PPFIBP1: variants seen among roughly 807,000 people sequenced by gnomAD.
PPFIBP1 encodes liprin-beta-1.
Under a neutral mutation model 137.8 loss-of-function variants are expected in PPFIBP1, and 112 were observed. The ratio of observed to expected loss-of-function variants is 0.81; its 90% confidence interval spans 0.70 to 0.95. The LOEUF (loss-of-function observed/expected upper bound fraction) is 0.95. Among genes scored for constraint, PPFIBP1 ranks in the 40% least tolerant of loss-of-function variants. PPFIBP1 has a pLI of 0.00. For missense variants in PPFIBP1, 1,083 were observed against 1,196.6 expected, an observed-to-expected ratio of 0.91 and a Z score of 1.40; for synonymous variants, 378 against 417.3, an observed-to-expected ratio of 0.91 and a Z score of 1.15.
At chr12:27,576,469 T>C (rs1340277962) in intron 1 of PPFIBP1, among the ~76,000 whole-genome samples, 1 of 152,186 alleles carries the variant, frequency 6.6e-6, no homozygotes, top group Non-Finnish European at 1.5e-5. Flanking sequence ...GCCCTCTTAC[T>C]GTTGACTCAG....
At chr12:27,614,579 C>T (rs1317406307) in intron 2 of PPFIBP1, among the ~76,000 whole-genome samples, 2 of 152,148 alleles carry the variant, frequency 1.3e-5, no homozygotes, top group Non-Finnish European at 2.9e-5. Context: ...TACTGCCAGA[C>T]TCCTAAGCTA....
chr12:27,571,804 A>G (rs2050173510), intron 1 of PPFIBP1, among the ~76,000 whole-genome samples: 1 of 152,106 alleles, frequency 6.6e-6, no homozygotes, highest in Non-Finnish European at 1.5e-5. Flanking sequence ...GTTTGACTTC[A>G]TATTTTTTGA....
At chr12:27,630,560 G>T (rs142337626) in intron 2 of PPFIBP1, among the ~76,000 whole-genome samples, 64 of 152,194 alleles carry the variant, frequency 4.2e-4, no homozygotes, top group African/African-American at 1.4e-3. Context: ...CTAATCTGAT[G>T]ATCTCTGGCT....
intron 1 of PPFIBP1, among the ~76,000 whole-genome samples, chr12:27,561,943 G>C (rs2049202073): frequency 6.6e-6 from 1 of 151,956 alleles, no homozygotes; most frequent in Admixed American, 6.6e-5. Flanking sequence ...TCAGCTACTT[G>C]GGAGATTGAA....
intron 20 of PPFIBP1, 65 bp from the exon 21 acceptor site, chr12:27,679,868 G>T (rs1312888396): frequency 6.3e-7 from 1 of 1,582,344 alleles, no homozygotes; most frequent in African/African-American, 1.4e-5. Flanking sequence ...AGTTAAAAAT[G>T]TTCTGATTAA....
At chr12:27,674,314 A>G in intron 17 of PPFIBP1, 93 bp downstream of exon 17, 1 of 849,018 alleles carries the variant, frequency 1.2e-6, no homozygotes. Flanking sequence ...AACTTTCAGA[A>G]CCTCTAGAAC....
intron 4 of PPFIBP1, among the ~76,000 whole-genome samples, chr12:27,645,519 T>G (rs1170078336): frequency 6.6e-6 from 1 of 152,142 alleles, no homozygotes; most frequent in African/African-American, 2.4e-5. Flanking sequence ...CTGAGCCAGA[T>G]GCTGGGGAGG....
At chr12:27,599,424 C>G in intron 2 of PPFIBP1, 1 of 455,606 alleles carries the variant, frequency 2.2e-6, no homozygotes, top group East Asian at 6.9e-5. Flanking sequence ...CTTGGGTTTT[C>G]TGGGTCTCCA....
intron 24 of PPFIBP1, among the ~76,000 whole-genome samples, chr12:27,685,421 A>G (rs1000969846): frequency 6.6e-6 from 1 of 152,100 alleles, no homozygotes; most frequent in Non-Finnish European, 1.5e-5. Context: ...ATAGAAAGTC[A>G]TAGAGAGTTT....
intron 2 of PPFIBP1, among the ~76,000 whole-genome samples, chr12:27,585,334 C>T (rs2051603559): frequency 6.6e-6 from 1 of 152,212 alleles, no homozygotes; most frequent in South Asian, 2.1e-4. Context: ...TTGTATAAAA[C>T]TGAGCTTTTC....
chr12:27,554,000 T>C (rs886088510), intron 1 of PPFIBP1, among the ~76,000 whole-genome samples: 3 of 152,252 alleles, frequency 2.0e-5, no homozygotes, highest in Non-Finnish European at 4.4e-5. Flanking sequence ...GAAAAAGGCA[T>C]CTTTTGGAAT....
At chr12:27,565,197 G>A (rs576653880) in intron 1 of PPFIBP1, among the ~76,000 whole-genome samples, 12 of 152,300 alleles carry the variant, frequency 7.9e-5, no homozygotes, top group African/African-American at 2.2e-4. Context: ...GTCAACAGGG[G>A]CCATCGAAAT....
At chr12:27,637,161 CTG>C (rs2139151415) in intron 4 of PPFIBP1, 1 of 152,250 alleles carries the variant, frequency 6.6e-6, no homozygotes, top group South Asian at 2.1e-4. Context: ...CATTTATTTT[CTG>C]TCTTTCCAAT....
intron 24 of PPFIBP1, among the ~76,000 whole-genome samples, chr12:27,683,666 A>C (rs1424472479): frequency 6.6e-6 from 1 of 152,256 alleles, no homozygotes; most frequent in Non-Finnish European, 1.5e-5. Flanking sequence ...GTGTAGGACT[A>C]TTCCCTGCTT....
At chr12:27,579,982 G>T (rs2050934938) in intron 2 of PPFIBP1, among the ~76,000 whole-genome samples, 1 of 152,200 alleles carries the variant, frequency 6.6e-6, no homozygotes, top group South Asian at 2.1e-4. Context: ...CATGGTACAG[G>T]AAGGGACTAT....
At chr12:27,647,870 G>A in intron 6 of PPFIBP1, 28 bp downstream of exon 6, 6 of 1,594,662 alleles carry the variant, frequency 3.8e-6, no homozygotes, top group Non-Finnish European at 5.1e-6. Context: ...AACCAAGATG[G>A]GATTTCCCTG....
At chr12:27,614,518 G>A (rs1476569997) in intron 2 of PPFIBP1, among the ~76,000 whole-genome samples, 1 of 152,194 alleles carries the variant, frequency 6.6e-6, no homozygotes, top group African/African-American at 2.4e-5. Context: ...GTACAAAGGA[G>A]TCCTGGAGTA....
intron 6 of PPFIBP1, among the ~76,000 whole-genome samples, chr12:27,649,541 C>T (rs1367357593): frequency 2.0e-5 from 3 of 151,926 alleles, no homozygotes; most frequent in Non-Finnish European, 4.4e-5. Flanking sequence ...GTGAATAGTT[C>T]TTTTTTATTT....
In PPFIBP1 at chr12:27,681,644, G is replaced by A; in HGVS notation, c.1994G>A (p.Trp665Ter). The A allele has an allele frequency of 6.2e-7, 1 of 1,614,168 alleles. No homozygotes were observed. The highest frequency in any genetic ancestry group is 8.5e-7 in the Non-Finnish European group (1 of 1,180,028). ...LGSYLNSGKHWIASGQTLLQA... is the reference protein window; with the variant it reads ...LGSYLNSGKH The stretch of plus-strand genomic sequence containing the variant: ...TCGTACCTGAATTCTGGCAAGCACT[G>A]GATTGCATCTGGCCAAACGCTTTTG... The change falls in exon 22 of 30, where the codon TGG (tryptophan) becomes TAG (stop). Residue 665 changes from tryptophan (W) to a stop codon, truncating the protein, a stop_gained. Transcript: ENST00000228425. LOFTEE classifies it high-confidence loss of function.
Sources: gnomAD v4.1 joint callset for allele counts (sites outside exome capture counted in the v4.1 genomes callset) on GRCh38, gnomAD v4.1.1 for gene constraint, MANE v1.5 for transcripts, NCBI Gene and HGNC (gene_info 2026-07-23, HGNC 2026-07-21) for gene names.